Variants in TRPC1 observed in about 807,000 individuals in gnomAD.
TRPC1 encodes the protein transient receptor potential cation channel subfamily C member 1.
In TRPC1, 42 loss-of-function variants were observed where a neutral mutation model predicts 88.2. The observed-to-expected ratio is 0.48, with a 90% CI of 0.37 to 0.62. The LOEUF is 0.62. Among genes scored for constraint, TRPC1 ranks in the 20% least tolerant of loss-of-function variants. TRPC1 has a pLI of 0.00. For synonymous variants in TRPC1, 288 were observed against 331.8 expected (o/e 0.87, Z 1.43); for missense variants, 699 against 957.3 (o/e 0.73, Z 3.56).
At chr3:142,742,767 C>CTA (rs1429006391) in intron 2 of TRPC1, among the ~76,000 whole-genome samples, 1 of 152,088 alleles carries the variant, frequency 6.6e-6, no homozygotes, top group Non-Finnish European at 1.5e-5. Flanking sequence ...GCCAGTAGGA[C>CTA]TATAGGCTTT....
chr3:142,735,261 TAATA>T (rs1351410159), intron 1 of TRPC1, among the ~76,000 whole-genome samples: 1 of 152,228 alleles, frequency 6.6e-6, no homozygotes, highest in Non-Finnish European at 1.5e-5. Flanking sequence ...CTTGAAATTT[TAATA>T]AATAAAATAT....
chr3:142,806,257 G>A lies in TRPC1; in HGVS notation c.*22G>A, dbSNP rs780962111. The A allele has an allele frequency of 1.9e-5, 30 of 1,571,758 alleles. 1 individual carries two copies. Among genetic ancestry groups the A allele is most frequent in the South Asian group, 1.8e-4 (16 of 87,332 alleles). On this transcript the variant is annotated 3_prime_UTR_variant, in exon 13 of 13. Coordinates refer to ENST00000476941, the MANE Select transcript of TRPC1 (RefSeq NM_001251845.2). ...TTAACCATTTTCTAAATCATGGAGC[G>A]AATAATTTTCAATAACAGATCCAAA...
chr3:142,794,981 A>T (rs1197172526), intron 9 of TRPC1, among the ~76,000 whole-genome samples: 1 of 152,140 alleles, frequency 6.6e-6, no homozygotes, highest in African/African-American at 2.4e-5. Context: ...TATGTACAAA[A>T]AGTTTAAAGT....
At chr3:142,752,227 GATT>G in intron 4 of TRPC1, among the ~76,000 whole-genome samples, 2 of 152,290 alleles carry the variant, frequency 1.3e-5, no homozygotes, top group Admixed American at 1.3e-4. Context: ...AGTTTTTATT[GATT>G]ATTATTTTCA....
intron 4 of TRPC1, among the ~76,000 whole-genome samples, chr3:142,760,579 A>T (rs1351543886): frequency 6.6e-6 from 1 of 152,106 alleles, no homozygotes; most frequent in Non-Finnish European, 1.5e-5. Flanking sequence ...TTGTGGTTTC[A>T]TATAAAGTTT....
At chr3:142,766,222 GGT>G (rs908307838) in intron 4 of TRPC1, among the ~76,000 whole-genome samples, 4 of 152,088 alleles carry the variant, frequency 2.6e-5, no homozygotes, top group African/African-American at 9.6e-5. Flanking sequence ...ATTGATCCTG[GGT>G]GTGTCTGTGA....
At chr3:142,729,364 C>G (rs985055111) in intron 1 of TRPC1, among the ~76,000 whole-genome samples, 2 of 152,318 alleles carry the variant, frequency 1.3e-5, no homozygotes, top group Non-Finnish European at 2.9e-5. Flanking sequence ...GAGTACATCC[C>G]TATCCTTTAG....
intron 7 of TRPC1, among the ~76,000 whole-genome samples, chr3:142,786,078 G>GT (rs1471412564): frequency 3.3e-5 from 5 of 152,108 alleles, no homozygotes; most frequent in African/African-American, 4.8e-5. Context: ...CGTGTGGAGA[G>GT]TTGAGGTAGA....
At chr3:142,775,316 T>C (rs1172249545) in intron 4 of TRPC1, among the ~76,000 whole-genome samples, 5 of 152,116 alleles carry the variant, frequency 3.3e-5, no homozygotes, top group Non-Finnish European at 7.4e-5. Context: ...TACAACAAAG[T>C]AGAAAGATAA....
intron 4 of TRPC1, among the ~76,000 whole-genome samples, chr3:142,763,019 A>G (rs890552565): frequency 6.6e-6 from 1 of 152,064 alleles, no homozygotes; most frequent in African/African-American, 2.4e-5. Context: ...TTTATTCCAT[A>G]TGGTCAGAAA....
intron 4 of TRPC1, among the ~76,000 whole-genome samples, chr3:142,758,586 A>G (rs1935065943): frequency 6.6e-6 from 1 of 151,960 alleles, no homozygotes; most frequent in African/African-American, 2.4e-5. Flanking sequence ...CTCCCATTCT[A>G]TGAGTTGGCT....
intron 9 of TRPC1, among the ~76,000 whole-genome samples, chr3:142,795,749 CAT>C (rs774937918): frequency 3.9e-5 from 6 of 152,002 alleles, no homozygotes; most frequent in Non-Finnish European, 7.4e-5. Flanking sequence ...ACTACAGTAA[CAT>C]AGGGGAATAT....
intron 1 of TRPC1, among the ~76,000 whole-genome samples, chr3:142,735,536 C>A (rs1176873081): frequency 1.3e-5 from 2 of 152,116 alleles, no homozygotes; most frequent in Non-Finnish European, 2.9e-5. Flanking sequence ...GATTTATTCC[C>A]CATATTCCTG....
intron 2 of TRPC1, 118 bp downstream of exon 2, chr3:142,736,651 C>G: frequency 1.1e-6 from 1 of 940,414 alleles, no homozygotes. Flanking sequence ...CTTTTTCTTT[C>G]TTTGTCTCTC....
intron 9 of TRPC1, among the ~76,000 whole-genome samples, chr3:142,795,586 A>G (rs191515293): frequency 3.9e-5 from 6 of 152,182 alleles, no homozygotes; most frequent in Non-Finnish European, 7.4e-5. Context: ...AAAGAAAAAA[A>G]AAACAACTGT....
At chr3:142,736,628 CTCT>C (rs774696602) in intron 2 of TRPC1, 95 bp downstream of exon 2, 8 of 1,110,668 alleles carry the variant, frequency 7.2e-6, no homozygotes, top group African/African-American at 1.6e-5. Flanking sequence ...CTTTTTCCTC[CTCT>C]TCTTCCTTTC....
intron 6 of TRPC1, 103 bp downstream of exon 6, chr3:142,781,132 C>A: frequency 1.1e-6 from 1 of 913,548 alleles, no homozygotes; most frequent in Non-Finnish European, 1.5e-6. Flanking sequence ...GATCCTAGTT[C>A]TGCTTCCTAA....
intron 4 of TRPC1, among the ~76,000 whole-genome samples, chr3:142,750,069 A>C (rs953065290): frequency 2.0e-5 from 3 of 152,220 alleles, no homozygotes; most frequent in African/African-American, 7.2e-5. Flanking sequence ...AAAATTGACA[A>C]ATGGGATCTA....
At chr3:142,800,124 C>G (rs1478001895) in intron 9 of TRPC1, among the ~76,000 whole-genome samples, 1 of 152,130 alleles carries the variant, frequency 6.6e-6, no homozygotes, top group Non-Finnish European at 1.5e-5. Context: ...TCTAAGCAAT[C>G]ACAATCTGAA....
Sources: allele counts gnomAD v4.1 joint callset (sites outside exome capture counted in the v4.1 genomes callset), GRCh38; gene constraint gnomAD v4.1.1; transcripts MANE v1.5; gene names NCBI Gene and HGNC (gene_info 2026-07-23, HGNC 2026-07-21).